Variants in CAPN1 observed in about 807,000 individuals in gnomAD.
The protein encoded by CAPN1 is calpain 1.
CAPN1 carries 77 observed loss-of-function variants against 105.2 expected under a neutral mutation model. That is an observed-to-expected ratio of 0.73 (90% CI 0.61 to 0.88). The LOEUF (loss-of-function observed/expected upper bound fraction) is 0.88, where lower values mean the gene tolerates loss of function less well. CAPN1 is among the 40% of genes least tolerant of loss of function. CAPN1 has a pLI of 0.00. For synonymous variants in CAPN1, 355 were observed against 388.8 expected, an observed-to-expected ratio of 0.91 and a Z score of 1.02; for missense variants, 833 against 976.6, an observed-to-expected ratio of 0.85 and a Z score of 1.96.
chr11:65,194,125 C>T (rs1237292280), intron 10 of CAPN1, among the ~76,000 whole-genome samples: 1 of 151,194 alleles, frequency 6.6e-6, no homozygotes, highest in Non-Finnish European at 1.5e-5. Context: ...CCATGCCCAA[C>T]TAATTTTTTT....
chr11:65,208,388 T>G lies in CAPN1; in HGVS notation c.1729+126T>G, dbSNP rs1052346513. 218 of 914,858 alleles carry G rather than the reference T, an allele frequency of 2.4e-4. 1 individual carries two copies. The highest frequency in any genetic ancestry group is 3.5e-4 in the Non-Finnish European group (203 of 578,666). 56.7% of individuals were successfully genotyped at this position (914,858 alleles called of 1,614,324 possible). ...ATGAGTCGGGGAATCCTCCAGTTTTTCTGAGCCCAGTTCCCTGCCATTTCC... is the reference window on the plus strand; with the variant it reads ...ATGAGTCGGGGAATCCTCCAGTTTTGCTGAGCCCAGTTCCCTGCCATTTCC... On this transcript the variant is annotated intron_variant, in intron 16 of 21. Coordinates refer to ENST00000279247, the MANE Select transcript of CAPN1 (RefSeq NM_005186.4). The surrounding 1 kb of genome is among the most constrained non-coding windows in gnomAD (Gnocchi z 4.1).
intron 10 of CAPN1, among the ~76,000 whole-genome samples, chr11:65,194,333 T>C (rs1948762123): frequency 6.6e-6 from 1 of 152,218 alleles, no homozygotes; most frequent in Non-Finnish European, 1.5e-5. Flanking sequence ...TTAATTTAGA[T>C]TTTTAAAATT....
chr11:65,204,994 C>G (rs554992560), intron 11 of CAPN1, 136 bp downstream of exon 11: 18 of 707,218 alleles, frequency 2.5e-5, no homozygotes, highest in African/African-American at 1.4e-4. Flanking sequence ...TCCACTCCCC[C>G]CACCATCCTG....
At chr11:65,196,309 T>G (rs1439700507) in intron 10 of CAPN1, among the ~76,000 whole-genome samples, 1 of 151,938 alleles carries the variant, frequency 6.6e-6, no homozygotes, top group Admixed American at 6.6e-5. Context: ...CAAGAACCAG[T>G]GAAAGTTCAT....
At position 65,188,289 on chromosome 11, in the gene CAPN1, C is replaced by A; in HGVS notation, c.930-125C>A. The A allele has an allele frequency of 2.4e-6, 2 of 841,610 alleles. No homozygotes were observed. Among genetic ancestry groups the A allele is most frequent in the Non-Finnish European group, 3.7e-6 (2 of 535,120 alleles). 52.1% of individuals were successfully genotyped at this position (841,610 alleles called of 1,614,324 possible). On this transcript the variant is annotated intron_variant, in intron 8 of 21. Coordinates refer to ENST00000279247, the MANE Select transcript of CAPN1 (RefSeq NM_005186.4). This position sits in a 1 kb window ranked among gnomAD's most constrained non-coding sequence, Gnocchi z 5.5. ...CCACCCCCTAGAAGCGGAACCTTGG[C>A]GCTTGACCTTGAGGAGGCCACCTGG...
intron 10 of CAPN1, among the ~76,000 whole-genome samples, chr11:65,195,027 A>G (rs7116156): frequency 0.72 from 108,993 of 151,170 alleles, 40,416 homozygotes; most frequent in Middle Eastern, 0.87. Context: ...CCTCTTCAAC[A>G]CTAGTTATTG....
In CAPN1 at chr11:65,182,857, TG is replaced by T; in HGVS notation, c.159del (p.Thr54ProfsTer122). ...EQLRVRCLQS[G>X]TLFRDEAFPP... ...AGCTGCGGGTGCGATGCCTGCAGAG[TG>T]GGACCCTCTTCCGTGATGAGGCCTT... On this transcript the variant is annotated frameshift_variant, in exon 2 of 22. Transcript: ENST00000279247. LOFTEE classifies it high-confidence loss of function. 6.2e-7 allele frequency: 1 copy of T among 1,600,928 alleles called. No individual in the cohort carries two copies. The highest frequency in any genetic ancestry group is 8.5e-7 in the Non-Finnish European group (1 of 1,174,134).
At chr11:65,185,106 A>C (rs916860327) in intron 4 of CAPN1, among the ~76,000 whole-genome samples, 3 of 152,126 alleles carry the variant, frequency 2.0e-5, no homozygotes, top group African/African-American at 7.2e-5. Flanking sequence ...TGAAAAATCA[A>C]CTCACAAAAG....
rs1948585541 is a variant in CAPN1, at chr11:65,183,599, G to T, written c.456+7G>T. On this transcript the variant is annotated splice_region_variant and intron_variant, in intron 4 of 21. Transcript: ENST00000279247. ...CGGCATCTTCCATTTCCAGGTGAGG[G>T]CTCCCCTGGGGAGGAGGGGCAGCAG... The T allele has an allele frequency of 2.5e-6, 4 of 1,583,834 alleles. No individual in the cohort carries two copies. Among genetic ancestry groups the T allele is most frequent in the Admixed American group, 1.7e-5 (1 of 59,924 alleles).
Position 65,188,201 on chromosome 11 carries a change from C to A in CAPN1, c.929+161C>A. On this transcript the variant is annotated intron_variant, in intron 8 of 21. Transcript: ENST00000279247. The surrounding 1 kb of genome is among the most constrained non-coding windows in gnomAD (Gnocchi z 5.5). ...GGGGACTGCTCTGACAAAGCTCAGG[C>A]CGTGCGGGCCCCTGTGCCCAGCCGT... 3 of 688,936 alleles carry A rather than the reference C, an allele frequency of 4.4e-6. No individual in the cohort carries two copies. Among genetic ancestry groups the A allele is most frequent in the South Asian group, 1.9e-5 (1 of 52,528 alleles). The allele number at this position is 688,936 out of a possible 1,614,324, so 42.7% of individuals were successfully genotyped here.
rs377259262 is a variant in CAPN1 at position 65,210,332 on chromosome 11, C to G, written c.1943-4C>G. ...ACTGACCTTCACTCACTCTCCTGGA[C>G]CAGGCTTCAAGCTCAACAAGAAGCT... On this transcript the variant is annotated splice_polypyrimidine_tract_variant and splice_region_variant and intron_variant, in intron 19 of 21. Transcript: ENST00000279247. This position sits in a 1 kb window ranked among gnomAD's most constrained non-coding sequence, Gnocchi z 4.3. 24 of 1,601,902 alleles carry G rather than the reference C, an allele frequency of 1.5e-5. No homozygotes were observed. The Admixed American group carries it at 4.0e-4, about 27-fold the overall frequency.
intron 10 of CAPN1, among the ~76,000 whole-genome samples, chr11:65,201,310 C>T (rs1948865837): frequency 6.6e-6 from 1 of 151,798 alleles, no homozygotes; most frequent in Non-Finnish European, 1.5e-5. Context: ...TGGTCTTGAA[C>T]TCCTGGGCTC....
chr11:65,211,343 G>A lies in CAPN1; in HGVS notation c.*57G>A, dbSNP rs753601442. ...CCTCCCTCCTCGTCTGCCAAGCCTC[G>A]CCTCCTACCACACCACACCAGGCCA... On this transcript the variant is annotated 3_prime_UTR_variant, in exon 22 of 22. Coordinates refer to ENST00000279247, the MANE Select transcript of CAPN1 (RefSeq NM_005186.4). The A allele has an allele frequency of 2.2e-5, 35 of 1,570,152 alleles. No individual in the cohort carries two copies. The highest frequency in any genetic ancestry group is 3.4e-5 in the Admixed American group (2 of 58,130).
At chr11:65,204,932 C>A in intron 11 of CAPN1, 74 bp downstream of exon 11, 1 of 1,323,294 alleles carries the variant, frequency 7.6e-7, no homozygotes, top group South Asian at 1.3e-5. Flanking sequence ...GCAGTGCAGG[C>A]GGGCTTCCAC....
At chr11:65,197,521 A>T (rs1035628094) in intron 10 of CAPN1, among the ~76,000 whole-genome samples, 8 of 152,040 alleles carry the variant, frequency 5.3e-5, no homozygotes, top group Admixed American at 2.0e-4. Context: ...TTTGATGTCC[A>T]ATCTTTCTAT....
chr11:65,184,002 C>T (rs1313878384), intron 4 of CAPN1, among the ~76,000 whole-genome samples: 2 of 152,162 alleles, frequency 1.3e-5, no homozygotes, highest in Non-Finnish European at 2.9e-5. Flanking sequence ...TTGGCAAGGT[C>T]TGACTGAGCC....
chr11:65,208,984 TCTC>T lies in CAPN1; in HGVS notation c.1730-332_1730-330del, dbSNP rs1361055001. The T allele has an allele frequency of 5.6e-6, 2 of 357,632 alleles. No individual in the cohort carries two copies. The highest frequency in any genetic ancestry group is 3.9e-5 in the Admixed American group (1 of 25,760). The allele number at this position is 357,632 out of a possible 1,614,324, so 22.2% of individuals were successfully genotyped here. Reference sequence around the variant, plus strand: ...ACACGGTTTCCTTAAGCAGAGCTTTTCTCCTCCTCTTCTCTGCTAGTGAAGCAC... The same window carrying T: ...ACACGGTTTCCTTAAGCAGAGCTTTTCTCCTCTTCTCTGCTAGTGAAGCAC... On this transcript the variant is annotated intron_variant, in intron 16 of 21. Coordinates refer to ENST00000279247, the MANE Select transcript of CAPN1 (RefSeq NM_005186.4). This position sits in a 1 kb window ranked among gnomAD's most constrained non-coding sequence, Gnocchi z 4.1.
In CAPN1 at chr11:65,188,774, C is replaced by T. The variant is rs528232741; in HGVS notation, c.1165+28C>T. ...GCACAGGGGCGGGCTCTGGGTCTTG[C>T]TGCTTCCTGGCTTAGGGGCTCCAGA... On this transcript the variant is annotated intron_variant, in intron 10 of 21. Transcript: ENST00000279247. The surrounding 1 kb of genome is among the most constrained non-coding windows in gnomAD (Gnocchi z 5.5). 1.9e-6 allele frequency: 3 copies of T among 1,543,336 alleles called. No individual in the cohort carries two copies. Among genetic ancestry groups the T allele is most frequent in the South Asian group, 2.4e-5 (2 of 83,916 alleles).
rs746411235 is a variant in CAPN1, at chr11:65,210,890, C to A, written c.2118+18C>A. 1.9e-6 allele frequency: 3 copies of A among 1,600,798 alleles called. No homozygotes were observed. The highest frequency in any genetic ancestry group is 2.6e-6 in the Non-Finnish European group (3 of 1,168,014). On this transcript the variant is annotated intron_variant, in intron 21 of 21. Coordinates refer to ENST00000279247, the MANE Select transcript of CAPN1 (RefSeq NM_005186.4). This position sits in a 1 kb window ranked among gnomAD's most constrained non-coding sequence, Gnocchi z 4.3. ...TGTTTAAGGTGGGAACCTCCCTGGGCCCATGGTTGGGGAAGAGTTCCAGGC... is the reference window on the plus strand; with the variant it reads ...TGTTTAAGGTGGGAACCTCCCTGGGACCATGGTTGGGGAAGAGTTCCAGGC...
Sources: gnomAD v4.1 joint callset for allele counts (sites outside exome capture counted in the v4.1 genomes callset) on GRCh38, gnomAD v4.1.1 for gene constraint, Gnocchi (gnomAD v3.1) non-coding constraint, MANE v1.5 for transcripts, NCBI Gene and HGNC (gene_info 2026-07-23, HGNC 2026-07-21) for gene names.